The following AFG3L2 variants were observed in gnomAD, a reference collection of about 807,000 sequenced individuals.
AFG3L2 encodes the protein mitochondrial inner membrane m-AAA protease component AFG3L2.
AFG3L2 carries 54 observed loss-of-function variants against 94.5 expected under a neutral mutation model. The observed-to-expected ratio is 0.57, with a 90% CI of 0.46 to 0.72. The LOEUF (loss-of-function observed/expected upper bound fraction) is 0.72. Ranked by LOEUF, AFG3L2 falls within the 30% of genes least tolerant of loss-of-function variation. The pLI is 0.00. For synonymous variants in AFG3L2, 377 were observed against 365.5 expected (o/e 1.03, Z -0.36); for missense variants, 754 against 994.9 (o/e 0.76, Z 3.26).
Position 12,351,139 on chromosome 18 carries a change from G to A in AFG3L2, c.1498C>T (p.Leu500=). ...HLRPLKLDST[L]EKDKLARKLA... is the part of the protein sequence containing the mutation. The stretch of plus-strand genomic sequence containing the variant: ...TTTCTTGCCAATTTATCCTTCTCCA[G>A]GGTACTGTCCAGTTTTAGCGGTCGG... Residue 500 remains leucine (L), a synonymous_variant, in exon 12 of 17, where the codon CTG becomes TTG. Transcript: ENST00000269143. 6 of 1,613,938 alleles carry A rather than the reference G, an allele frequency of 3.7e-6. No homozygotes were observed. Among genetic ancestry groups the A allele is most frequent in the Non-Finnish European group, 1.7e-6 (2 of 1,180,004 alleles).
chr18:12,331,241 C>T (rs573416435), intron 16 of AFG3L2, among the ~76,000 whole-genome samples: 79 of 152,266 alleles, frequency 5.2e-4, no homozygotes, highest in South Asian at 2.5e-3. Context: ...CCTAGGTGTG[C>T]GGCAGGTGTA....
chr18:12,358,543 G>C, intron 8 of AFG3L2, 127 bp downstream of exon 8: 1 of 1,247,518 alleles, frequency 8.0e-7, no homozygotes, highest in Non-Finnish European at 1.1e-6. Flanking sequence ...GCAGAGGCTA[G>C]CCTAGTAAGC....
chr18:12,365,022 C>G (rs529924498), intron 5 of AFG3L2, among the ~76,000 whole-genome samples: 1 of 152,276 alleles, frequency 6.6e-6, no homozygotes, highest in South Asian at 2.1e-4. Flanking sequence ...AGGACTGTAA[C>G]TGGTTTAGGA....
intron 16 of AFG3L2, among the ~76,000 whole-genome samples, chr18:12,331,930 T>C (rs895259329): frequency 6.6e-6 from 1 of 151,878 alleles, no homozygotes; most frequent in African/African-American, 2.4e-5. Flanking sequence ...TGAAGTTCTA[T>C]TCATTTGTTA....
chr18:12,354,731 C>G (rs1423788086), intron 9 of AFG3L2, among the ~76,000 whole-genome samples: 2 of 152,132 alleles, frequency 1.3e-5, no homozygotes, highest in East Asian at 1.9e-4. Context: ...CACGCCAACT[C>G]TTTACCACTT....
Position 12,329,382 on chromosome 18 carries a change from C to T in AFG3L2, c.*183G>A. 1 of 704,954 alleles carries T rather than the reference C, an allele frequency of 1.4e-6. No individual in the cohort carries two copies. Among genetic ancestry groups the T allele is most frequent in the Non-Finnish European group, 2.5e-6 (1 of 397,988 alleles). The allele number at this position is 704,954 out of a possible 1,614,324, so 43.7% of individuals were successfully genotyped here. ...ATTTCCCTCAAGGCCTCCGGAAAGT[C>T]ACCTGCCACCCACTGTGACCTCTGA... is the stretch of plus-strand genomic sequence containing the variant. On this transcript the variant is annotated 3_prime_UTR_variant, in exon 17 of 17. Transcript: ENST00000269143.
At chr18:12,375,139 C>A (rs1909106839) in intron 1 of AFG3L2, among the ~76,000 whole-genome samples, 1 of 151,438 alleles carries the variant, frequency 6.6e-6, no homozygotes, top group Non-Finnish European at 1.5e-5. Context: ...CGAAAAAGGA[C>A]CTACCACACG....
chr18:12,366,826 A>G (rs1211000133), intron 5 of AFG3L2, 139 bp downstream of exon 5: 8 of 1,227,014 alleles, frequency 6.5e-6, no homozygotes, highest in Non-Finnish European at 8.3e-6. Context: ...AGTACTTCTC[A>G]GCATTAGAAA....
rs1568145596 is a variant in AFG3L2 at position 12,367,373 on chromosome 18, G to A, written c.302C>T (p.Pro101Leu). 1 of 1,613,992 alleles carries A rather than the reference G, an allele frequency of 6.2e-7. No homozygotes were observed. The highest frequency in any genetic ancestry group is 8.5e-7 in the Non-Finnish European group (1 of 1,180,036). The change falls in exon 4 of 17, where the codon CCA (proline) becomes CTA (leucine). Residue 101 changes from proline to leucine, a missense_variant. Physicochemically the swap from Pro to Leu is moderately conservative, Grantham distance 98. This residue lies in a region of AFG3L2 where 236 missense variants were observed against 214.0 expected (regional missense o/e 1.10). Transcript: ENST00000269143. The part of the protein sequence containing the change: ...EVMGEKKESK[P>L]AATTRSSGGG... ...TCCAGAAGAGCGTGTGGTAGCAGCT[G>A]GCTTTGATTCTGTTCATAAACAAAG...
At chr18:12,338,074 C>CTT (rs1399615794) in intron 15 of AFG3L2, among the ~76,000 whole-genome samples, 2 of 151,908 alleles carry the variant, frequency 1.3e-5, no homozygotes, top group African/African-American at 4.8e-5. Context: ...TACCTGGTTT[C>CTT]TTTTTGTTTT....
chr18:12,356,979 A>AT, intron 8 of AFG3L2, 148 bp from the exon 9 acceptor site: 1 of 797,958 alleles, frequency 1.3e-6, no homozygotes, highest in Non-Finnish European at 1.9e-6. Flanking sequence ...ATGGTAGAAC[A>AT]TTTTTATATT....
intron 1 of AFG3L2, 89 bp from the exon 2 acceptor site, chr18:12,371,780 G>C (rs1727961267): frequency 2.8e-6 from 3 of 1,061,372 alleles, no homozygotes; most frequent in Non-Finnish European, 2.8e-6. Flanking sequence ...GTAGATGAAA[G>C]GTCTCTCTCT....
chr18:12,374,674 T>C (rs990001171), intron 1 of AFG3L2, among the ~76,000 whole-genome samples: 1 of 152,142 alleles, frequency 6.6e-6, no homozygotes, highest in African/African-American at 2.4e-5. Context: ...AGGAAAGCCT[T>C]TGGGTAACAC....
chr18:12,368,762 G>A (rs142117108), intron 3 of AFG3L2, among the ~76,000 whole-genome samples: 178 of 152,088 alleles, frequency 1.2e-3, no homozygotes, highest in East Asian at 9.1e-3. Flanking sequence ...CACCATGCCC[G>A]GCTAATTTTT....
chr18:12,336,345 G>C (rs1320241331), intron 16 of AFG3L2, among the ~76,000 whole-genome samples: 1 of 152,132 alleles, frequency 6.6e-6, no homozygotes, highest in South Asian at 2.1e-4. Flanking sequence ...ACAACCAATG[G>C]CTCCACCTGG....
rs772848503 is a variant in AFG3L2, at chr18:12,337,087, A to C, written c.2175+254T>G. ...GTCCTGATTTGTTTACTTTGTGGTT[A>C]CTGACAGACTTCATTAATCATTCAG... On this transcript the variant is annotated intron_variant, in intron 16 of 16. Coordinates refer to ENST00000269143, the MANE Select transcript of AFG3L2 (RefSeq NM_006796.3). 7 of 606,852 alleles carry C rather than the reference A, an allele frequency of 1.2e-5. No individual in the cohort carries two copies. The South Asian group carries it at 1.4e-4, about 12-fold the overall frequency. 37.6% of individuals were successfully genotyped at this position (606,852 alleles called of 1,614,324 possible).
chr18:12,367,133 G>A lies in AFG3L2; in HGVS notation c.400-16C>T, dbSNP rs1277477535. On this transcript the variant is annotated splice_polypyrimidine_tract_variant and intron_variant, in intron 4 of 16. Transcript: ENST00000269143. ...GAATGTCACCCTGGGCAGAGAGGGA[G>A]ACAGCTTCTGTGAAGAATGAAATTC... The A allele has an allele frequency of 6.2e-7, 1 of 1,614,080 alleles. No homozygotes were observed. The highest frequency in any genetic ancestry group is 8.5e-7 in the Non-Finnish European group (1 of 1,180,042).
chr18:12,337,320 A>T, intron 16 of AFG3L2, 21 bp downstream of exon 16: 4 of 1,610,906 alleles, frequency 2.5e-6, no homozygotes, highest in Non-Finnish European at 3.4e-6. Context: ...GTAAAGAATT[A>T]TTCCCACAAC....
chr18:12,376,715 C>A (rs939175432), intron 1 of AFG3L2, among the ~76,000 whole-genome samples: 1 of 152,260 alleles, frequency 6.6e-6, no homozygotes, highest in African/African-American at 2.4e-5. Context: ...AGGCTTCAAC[C>A]GCCCCGGTGA....
Sources: allele counts gnomAD v4.1 joint callset (sites outside exome capture counted in the v4.1 genomes callset), GRCh38; gene constraint gnomAD v4.1.1; regional missense constraint gnomAD v4.1.1; transcripts MANE v1.5; gene names NCBI Gene and HGNC (gene_info 2026-07-23, HGNC 2026-07-21).